MACROD2: variants seen among roughly 807,000 people sequenced by gnomAD.
MACROD2 encodes the protein ADP-ribose glycohydrolase MACROD2.
A neutral mutation model predicts 70.4 loss-of-function variants in MACROD2; 36 were observed. The observed-to-expected ratio is 0.51, with a 90% CI of 0.39 to 0.68. The LOEUF is 0.68. Ranked by LOEUF, MACROD2 falls within the 30% of genes least tolerant of loss-of-function variation. The pLI is 0.00. For missense variants in MACROD2, 496 were observed against 538.4 expected, an observed-to-expected ratio of 0.92 and a Z score of 0.78; for synonymous variants, 172 against 178.8, an observed-to-expected ratio of 0.96 and a Z score of 0.30.
At chr20:15,621,654 T>C (rs1288641446) in intron 8 of MACROD2, among the ~76,000 whole-genome samples, 1 of 152,202 alleles carries the variant, frequency 6.6e-6, no homozygotes, top group East Asian at 1.9e-4. Flanking sequence ...TCCTTTCATG[T>C]TCCTGATGTC....
chr20:15,334,681 C>T (rs1349707428), intron 6 of MACROD2, among the ~76,000 whole-genome samples: 1 of 151,286 alleles, frequency 6.6e-6, no homozygotes, highest in Non-Finnish European at 1.5e-5. Context: ...AGCTGGGCAC[C>T]ATGGAAAGTC....
chr20:14,580,074 A>G (rs1980907725), intron 4 of MACROD2, among the ~76,000 whole-genome samples: 1 of 152,244 alleles, frequency 6.6e-6, no homozygotes, highest in African/African-American at 2.4e-5. Context: ...GATGCTAAGT[A>G]GAATTTTTCA....
At chr20:14,081,995 C>T (rs1055276984) in intron 2 of MACROD2, among the ~76,000 whole-genome samples, 1 of 151,974 alleles carries the variant, frequency 6.6e-6, no homozygotes, top group Admixed American at 6.6e-5. Flanking sequence ...ATTTGAGCAA[C>T]ATTGTCACAG....
intron 9 of MACROD2, among the ~76,000 whole-genome samples, chr20:15,871,302 T>G (rs1247135452): frequency 6.6e-6 from 1 of 152,162 alleles, no homozygotes. Flanking sequence ...TTTCCTGGAT[T>G]TCACTTTTAA....
chr20:14,812,458 A>C (rs1328195897), intron 5 of MACROD2, among the ~76,000 whole-genome samples: 1 of 151,966 alleles, frequency 6.6e-6, no homozygotes, highest in African/African-American at 2.4e-5. Context: ...ATTAGGAGAA[A>C]TACCTAATGT....
intron 4 of MACROD2, among the ~76,000 whole-genome samples, chr20:14,641,974 C>T (rs1985121846): frequency 1.3e-5 from 2 of 152,170 alleles, no homozygotes; most frequent in African/African-American, 4.8e-5. Context: ...TGACTTCTTC[C>T]CTCTACCTAT....
intron 8 of MACROD2, among the ~76,000 whole-genome samples, chr20:15,738,101 A>G (rs188109476): frequency 6.6e-6 from 1 of 152,306 alleles, no homozygotes; most frequent in African/African-American, 2.4e-5. Flanking sequence ...CAAAATATAG[A>G]AAGAGTGAAT....
chr20:15,900,067 G>A (rs2065041958), intron 10 of MACROD2, among the ~76,000 whole-genome samples: 1 of 152,068 alleles, frequency 6.6e-6, no homozygotes, highest in Non-Finnish European at 1.5e-5. Flanking sequence ...TGAGTGGCTG[G>A]ACAGAAGGGA....
intron 5 of MACROD2, among the ~76,000 whole-genome samples, chr20:15,011,734 T>A (rs1449046869): frequency 6.6e-6 from 1 of 152,202 alleles, no homozygotes; most frequent in Non-Finnish European, 1.5e-5. Context: ...TGCTGCAGGA[T>A]GAGGCCCTAA....
At chr20:14,992,254 A>T (rs199962637) in intron 5 of MACROD2, among the ~76,000 whole-genome samples, 1 of 152,192 alleles carries the variant, frequency 6.6e-6, no homozygotes, top group South Asian at 2.1e-4. Flanking sequence ...AGAATGCAGC[A>T]TTGCATCAGA....
chr20:15,445,549 A>G (rs2146382674), intron 7 of MACROD2, among the ~76,000 whole-genome samples: 1 of 152,246 alleles, frequency 6.6e-6, no homozygotes. Flanking sequence ...ACAAAACCAA[A>G]TCATGTTTCT....
At chr20:15,449,433 A>G (rs1416874864) in intron 7 of MACROD2, among the ~76,000 whole-genome samples, 1 of 152,182 alleles carries the variant, frequency 6.6e-6, no homozygotes, top group South Asian at 2.1e-4. Context: ...CACATGCTAA[A>G]AAACAGTAAA....
intron 6 of MACROD2, among the ~76,000 whole-genome samples, chr20:15,382,552 T>C (rs60632343): frequency 0.015 from 2,248 of 152,278 alleles, 60 homozygotes; most frequent in African/African-American, 0.051. Context: ...TGATTGCTCA[T>C]TGGTTCTTCC....
chr20:15,680,732 T>C (rs1286402282), intron 8 of MACROD2, among the ~76,000 whole-genome samples: 1 of 152,172 alleles, frequency 6.6e-6, no homozygotes, highest in African/African-American at 2.4e-5. Context: ...GTTGATATTT[T>C]GGTCATGAGA....
intron 5 of MACROD2, among the ~76,000 whole-genome samples, chr20:15,067,158 T>A (rs561986148): frequency 6.6e-6 from 1 of 152,182 alleles, no homozygotes; most frequent in African/African-American, 2.4e-5. Context: ...ATGCAACTAA[T>A]TTTTAAGTGC....
At chr20:14,059,629 G>A (rs981459965) in intron 2 of MACROD2, among the ~76,000 whole-genome samples, 3 of 152,208 alleles carry the variant, frequency 2.0e-5, no homozygotes, top group African/African-American at 7.2e-5. Flanking sequence ...GGTTCAGGGA[G>A]AGGGGTTAGC....
At chr20:15,461,006 A>ATATATATATATATATTTTTTTTT in intron 7 of MACROD2, among the ~76,000 whole-genome samples, 14 of 67,000 alleles carry the variant, frequency 2.1e-4, no homozygotes, top group Non-Finnish European at 3.3e-4. Flanking sequence ...ATATATATAT[A>ATATATATATATATATTTTTTTTT]TTTTTTTTTA....
chr20:15,679,521 T>C (rs1241091979), intron 8 of MACROD2, among the ~76,000 whole-genome samples: 8 of 152,180 alleles, frequency 5.3e-5, no homozygotes, highest in Non-Finnish European at 1.2e-4. Flanking sequence ...TGTGACTTGC[T>C]TAAACCAACA....
chr20:14,586,193 C>T (rs546677901), intron 4 of MACROD2, among the ~76,000 whole-genome samples: 6 of 151,916 alleles, frequency 3.9e-5, no homozygotes, highest in Admixed American at 2.6e-4. Flanking sequence ...TAAATGTGGT[C>T]TCAAGTCTTG....
Sources: allele counts gnomAD v4.1 joint callset (sites outside exome capture counted in the v4.1 genomes callset), GRCh38; gene constraint gnomAD v4.1.1; transcripts MANE v1.5; gene names NCBI Gene and HGNC (gene_info 2026-07-23, HGNC 2026-07-21).